C1orf198: variants seen among roughly 807,000 people sequenced by gnomAD.
The protein encoded by C1orf198 is uncharacterized protein C1orf198.
C1orf198 carries 17 observed loss-of-function variants against 31.4 expected under a neutral mutation model. That is an observed-to-expected ratio of 0.54 (90% CI 0.37 to 0.81). C1orf198 has a LOEUF of 0.81. Ranked by LOEUF, C1orf198 falls within the 40% of genes least tolerant of loss-of-function variation. C1orf198 has a pLI of 0.00. For missense variants in C1orf198, 401 were observed against 450.3 expected, an observed-to-expected ratio of 0.89 and a Z score of 0.99; for synonymous variants, 175 against 193.8, an observed-to-expected ratio of 0.90 and a Z score of 0.81.
chr1:230,846,989 G>C (rs1669605902), intron 2 of C1orf198, among the ~76,000 whole-genome samples: 1 of 151,624 alleles, frequency 6.6e-6, no homozygotes, highest in South Asian at 2.1e-4. Flanking sequence ...TGTAGTCCCA[G>C]CTACTTGGGA....
chr1:230,842,570 A>G (rs371351373), intron 3 of C1orf198, among the ~76,000 whole-genome samples: 2 of 152,216 alleles, frequency 1.3e-5, no homozygotes, highest in African/African-American at 2.4e-5. Flanking sequence ...GAATGACACA[A>G]TGGACTTTGG....
At chr1:230,844,873 C>G (rs1176887612) in intron 2 of C1orf198, among the ~76,000 whole-genome samples, 1 of 152,216 alleles carries the variant, frequency 6.6e-6, no homozygotes, top group Non-Finnish European at 1.5e-5. Flanking sequence ...ACAGTGATCT[C>G]TAAAAATGAC....
chr1:230,838,001 C>T lies in C1orf198; in HGVS notation c.*1851G>A, dbSNP rs189011796. On this transcript the variant is annotated 3_prime_UTR_variant, in exon 4 of 4. Transcript: ENST00000366663. This position sits in a 1 kb window ranked among gnomAD's most constrained non-coding sequence, Gnocchi z 4.2. ...GGACACAGGTCTTTCTTCTGTGCTA[C>T]ACCAACACTACAGAATACAAACTCA... The T allele has an allele frequency of 1.7e-3, 257 of 152,356 alleles. 2 individuals are homozygous for T. Among genetic ancestry groups the T allele is most frequent in the African/African-American group, 5.9e-3 (246 of 41,588 alleles). The allele number at this position is 152,356 out of a possible 1,614,324, so 9.4% of individuals were successfully genotyped here.
chr1:230,850,196 C>T (rs1669704890), intron 2 of C1orf198, among the ~76,000 whole-genome samples: 1 of 152,242 alleles, frequency 6.6e-6, no homozygotes, highest in African/African-American at 2.4e-5. Context: ...TATCACAGTG[C>T]TTCCTAACGG....
intron 2 of C1orf198, among the ~76,000 whole-genome samples, chr1:230,848,795 G>T (rs1354346450): frequency 6.6e-6 from 1 of 152,178 alleles, no homozygotes; most frequent in Non-Finnish European, 1.5e-5. Flanking sequence ...ACCTTTTGGG[G>T]TAGGGGAAGA....
chr1:230,856,807 G>A (rs1464987344), intron 1 of C1orf198, among the ~76,000 whole-genome samples: 1 of 152,162 alleles, frequency 6.6e-6, no homozygotes, highest in Non-Finnish European at 1.5e-5. Context: ...CAAAACTCCA[G>A]GTGATTTATG....
Position 230,838,514 on chromosome 1 carries a change from T to TTAAAA in C1orf198, c.*1337_*1338insTTTTA, listed in dbSNP as rs1354847529. ...CAGAAGGTCCTATGAAACAGGCATT[T>TTAAAA]AAAAAAAAAAAAAAAAGAAGAAGAC... On this transcript the variant is annotated 3_prime_UTR_variant, in exon 4 of 4. Coordinates refer to ENST00000366663, the MANE Select transcript of C1orf198 (RefSeq NM_032800.3). The surrounding 1 kb of genome is among the most constrained non-coding windows in gnomAD (Gnocchi z 4.2). The TTAAAA allele has an allele frequency of 7.0e-6, 1 of 142,794 alleles. No homozygotes were observed. Among genetic ancestry groups the TTAAAA allele is most frequent in the Non-Finnish European group, 1.5e-5 (1 of 64,608 alleles). The allele number at this position is 142,794 out of a possible 1,614,324, so 8.8% of individuals were successfully genotyped here. A position where few individuals can be genotyped will look rare whatever the true frequency, so the allele number is the denominator to read the frequency against.
chr1:230,855,886 T>A lies in C1orf198; in HGVS notation c.334-168A>T, dbSNP rs956029823. 22 of 1,397,026 alleles carry A rather than the reference T, an allele frequency of 1.6e-5. 1 individual carries two copies. In the African/African-American group the frequency reaches 2.2e-4, roughly 14 times the overall value. 86.5% of individuals were successfully genotyped at this position (1,397,026 alleles called of 1,614,324 possible). The stretch of plus-strand genomic sequence containing the variant: ...CAATATAATGCGCTGACCGTCTTGA[T>A]CAGATTGCTCCCTCATCTTTCCCGC... On this transcript the variant is annotated intron_variant, in intron 1 of 3. Transcript: ENST00000366663.
rs1324971787 is a variant in C1orf198, at chr1:230,843,390, C to T, written c.891G>A (p.Gly297=). ...TGGGTTCCGAGAACAGGGTGTCTTCCCCATCGTCCTGCCTGACATCAGGAG... is the reference window on the plus strand; with the variant it reads ...TGGGTTCCGAGAACAGGGTGTCTTCTCCATCGTCCTGCCTGACATCAGGAG... The part of the protein sequence containing the change: ...LPSPDVRQDD[G]EDTLFSEPKF... The change falls in exon 3 of 4, where the codon GGG becomes GGA. Residue 297 remains glycine, a synonymous_variant. Transcript: ENST00000366663. This position sits in a 1 kb window ranked among gnomAD's most constrained non-coding sequence, Gnocchi z 4.9. 2 of 1,562,008 alleles carry T rather than the reference C, an allele frequency of 1.3e-6. No homozygotes were observed. Among genetic ancestry groups the T allele is most frequent in the Non-Finnish European group, 1.7e-6 (2 of 1,152,708 alleles).
At chr1:230,850,981 C>T (rs965895105) in intron 2 of C1orf198, among the ~76,000 whole-genome samples, 1 of 152,078 alleles carries the variant, frequency 6.6e-6, no homozygotes, top group East Asian at 1.9e-4. Context: ...CCCTGCATCC[C>T]GGTGTCCTGA....
intron 2 of C1orf198, among the ~76,000 whole-genome samples, chr1:230,851,680 T>A (rs922240203): frequency 6.6e-6 from 1 of 152,152 alleles, no homozygotes; most frequent in African/African-American, 2.4e-5. Flanking sequence ...CAGGCCTCCC[T>A]TCTGTGATGG....
chr1:230,841,029 TCTTTA>T (rs1669424500), intron 3 of C1orf198, among the ~76,000 whole-genome samples: 1 of 152,342 alleles, frequency 6.6e-6, no homozygotes, highest in East Asian at 1.9e-4. Flanking sequence ...TTCCTGCTTC[TCTTTA>T]GAGTGGGGAC....
rs1034099490 is a variant in C1orf198, at chr1:230,857,563, C to A, written c.334-1845G>T. On this transcript the variant is annotated intron_variant, in intron 1 of 3. Coordinates refer to ENST00000366663, the MANE Select transcript of C1orf198 (RefSeq NM_032800.3). This position sits in a 1 kb window ranked among gnomAD's most constrained non-coding sequence, Gnocchi z 4.2. ...TGTGTCCTGATGGCTGTGCTGTGTGCCTTGGCTCTGTGCAGTAGAGGCTGG... is the reference window on the plus strand; with the variant it reads ...TGTGTCCTGATGGCTGTGCTGTGTGACTTGGCTCTGTGCAGTAGAGGCTGG... Among the ~76,000 whole-genome samples the A allele has an allele frequency of 6.6e-6, 1 of 152,102 alleles. No homozygotes were observed. Among genetic ancestry groups the A allele is most frequent in the Non-Finnish European group, 1.5e-5 (1 of 68,032 alleles).
Position 230,858,469 on chromosome 1 carries a change from C to G in C1orf198, c.334-2751G>C, listed in dbSNP as rs147297922. On this transcript the variant is annotated intron_variant, in intron 1 of 3. Coordinates refer to ENST00000366663, the MANE Select transcript of C1orf198 (RefSeq NM_032800.3). ...CTCCACACCCCACACTCACACACCC[C>G]CTAAGACTTCACCGGCTCTTCACAG... 1.5e-3 allele frequency among the ~76,000 whole-genome samples: 233 copies of G among 152,346 alleles called. 1 individual carries two copies. The East Asian group carries it at 0.017, about 11-fold the overall frequency.
At chr1:230,868,564 C>T (rs1260003614), upstream of C1orf198, 71 of 1,164,336 alleles carry the variant, frequency 6.1e-5, 2 homozygotes, top group South Asian at 2.8e-3. Context: ...GCTGTGCCCG[C>T]CCTCGCCCCG....
At chr1:230,861,791 A>G (rs968482381) in intron 1 of C1orf198, among the ~76,000 whole-genome samples, 1 of 152,194 alleles carries the variant, frequency 6.6e-6, no homozygotes, top group Non-Finnish European at 1.5e-5. Flanking sequence ...GTTCCAGGAA[A>G]AACAGCTAGG....
chr1:230,853,719 A>G (rs1395454279), intron 2 of C1orf198, among the ~76,000 whole-genome samples: 1 of 152,206 alleles, frequency 6.6e-6, no homozygotes, highest in Non-Finnish European at 1.5e-5. Context: ...AGCTATGAAG[A>G]CTACACTTTA....
chr1:230,866,419 T>C (rs1188527338), intron 1 of C1orf198, among the ~76,000 whole-genome samples: 1 of 152,186 alleles, frequency 6.6e-6, no homozygotes, highest in African/African-American at 2.4e-5. Context: ...TGGAAGGACA[T>C]ACAGGCACCA....
In C1orf198 at chr1:230,843,231, C is replaced by T; in HGVS notation, c.927+123G>A. 4.4e-6 allele frequency: 5 copies of T among 1,147,916 alleles called. No homozygotes were observed. The highest frequency in any genetic ancestry group is 6.0e-6 in the Non-Finnish European group (5 of 836,742). The allele number at this position is 1,147,916 out of a possible 1,614,324, so 71.1% of individuals were successfully genotyped here. ...GCCTAGGCATCCTCTGAGGAAGAGG[C>T]AGGGGAAGGAGAAGAAAAAGAGCAT... is the stretch of plus-strand genomic sequence containing the variant. On this transcript the variant is annotated intron_variant, in intron 3 of 3. Transcript: ENST00000366663. This position sits in a 1 kb window ranked among gnomAD's most constrained non-coding sequence, Gnocchi z 4.9.
Sources: allele counts gnomAD v4.1 joint callset (sites outside exome capture counted in the v4.1 genomes callset), GRCh38; gene constraint gnomAD v4.1.1; non-coding constraint Gnocchi (gnomAD v3.1); transcripts MANE v1.5; gene names NCBI Gene and HGNC (gene_info 2026-07-23, HGNC 2026-07-21).